The following OCA2 variants were observed in gnomAD, a reference collection of about 807,000 sequenced individuals.
OCA2 encodes OCA2 melanosomal transmembrane protein.
In OCA2, 77 loss-of-function variants were observed where a neutral mutation model predicts 100.2. That is an observed-to-expected ratio of 0.77 (90% CI 0.64 to 0.93). OCA2 has a LOEUF of 0.93. Among genes scored for constraint, OCA2 ranks in the 40% least tolerant of loss-of-function variants. OCA2 has a pLI of 0.00. For synonymous variants in OCA2, 432 were observed against 439.2 expected (o/e 0.98, Z 0.21); for missense variants, 1,062 against 1,089.1 (o/e 0.98, Z 0.35).
Position 27,916,791 on chromosome 15 carries a change from A to C in OCA2, c.2079+9336T>G, listed in dbSNP as rs965364929. On this transcript the variant is annotated intron_variant, in intron 19 of 23. Transcript: ENST00000354638. ...CAAATGTCTCCAACTGTTTTCCAAA[A>C]AATAGAACACACCTGACCTACTGTA... is the stretch of plus-strand genomic sequence containing the variant. 3.9e-5 allele frequency among the ~76,000 whole-genome samples: 6 copies of C among 152,176 alleles called. No individual in the cohort carries two copies. In the South Asian group the frequency reaches 1.2e-3, roughly 31 times the overall value.
intron 23 of OCA2, among the ~76,000 whole-genome samples, chr15:27,800,191 T>C (rs1252853342): frequency 6.6e-6 from 1 of 152,226 alleles, no homozygotes; most frequent in Non-Finnish European, 1.5e-5. Flanking sequence ...TCAGAATTTG[T>C]ACGATTGTAC....
chr15:27,858,270 C>T (rs558923550), intron 21 of OCA2, among the ~76,000 whole-genome samples: 12 of 151,330 alleles, frequency 7.9e-5, no homozygotes, highest in South Asian at 6.3e-4. Context: ...GCTACTCAGG[C>T]GGCTGAGGCA....
intron 23 of OCA2, among the ~76,000 whole-genome samples, chr15:27,773,214 T>C (rs2151054411): frequency 1.3e-5 from 2 of 152,334 alleles, no homozygotes; most frequent in Admixed American, 1.3e-4. Context: ...TTATTTTTTG[T>C]TGGCTATTTT....
rs2036558249 is a variant in OCA2 at position 27,871,203 on chromosome 15, G to A, written c.2195C>T (p.Ser732Leu). The A allele has an allele frequency of 1.2e-6, 2 of 1,614,196 alleles. No individual in the cohort carries two copies. The highest frequency in any genetic ancestry group is 1.3e-5 in the African/African-American group (1 of 75,044). ...GTCAATCAGGGACGACGCCAGGGCTGAGACCCACACCACCAGGACAATGGC... is the reference window on the plus strand; with the variant it reads ...GTCAATCAGGGACGACGCCAGGGCTAAGACCCACACCACCAGGACAATGGC... ...IAAIVLVVWV[S>L]ALASSLIDNI... The change falls in exon 21 of 24, where the codon TCA (serine) becomes TTA (leucine). Residue 732 changes from serine (S) to leucine (L), a missense_variant. By Grantham distance (145) the Ser-to-Leu change is moderately radical. Coordinates refer to ENST00000354638, the MANE Select transcript of OCA2 (RefSeq NM_000275.3).
intron 6 of OCA2, among the ~76,000 whole-genome samples, chr15:28,019,952 GA>G (rs1372989664): frequency 1.4e-4 from 21 of 152,194 alleles, no homozygotes; most frequent in Non-Finnish European, 2.4e-4. Context: ...CTTTTCCAAG[GA>G]GCCTGCTGGA....
chr15:28,086,587 A>G (rs193039308), intron 1 of OCA2, among the ~76,000 whole-genome samples: 19 of 152,356 alleles, frequency 1.2e-4, no homozygotes, highest in Admixed American at 3.3e-4. Context: ...CACCTGTCAT[A>G]GTGATAACCA....
At chr15:27,934,733 T>C (rs1448489) in intron 18 of OCA2, among the ~76,000 whole-genome samples, 6,954 of 152,278 alleles carry the variant, frequency 0.046, 240 homozygotes, top group South Asian at 0.13. Context: ...GCCTGAGCTT[T>C]CCTCCAGCCA....
chr15:28,096,589 C>T (rs2044988497), intron 1 of OCA2, among the ~76,000 whole-genome samples: 1 of 152,140 alleles, frequency 6.6e-6, no homozygotes, highest in Non-Finnish European at 1.5e-5. Flanking sequence ...GTGTAGGGTG[C>T]GGTGCCCCCA....
chr15:27,778,329 G>A (rs1028688232), intron 23 of OCA2, among the ~76,000 whole-genome samples: 3 of 152,094 alleles, frequency 2.0e-5, no homozygotes, highest in Non-Finnish European at 1.5e-5. Context: ...TTTCTAAAAC[G>A]AGCTCATACG....
At chr15:28,070,131 GC>G (rs2044186312) in intron 2 of OCA2, among the ~76,000 whole-genome samples, 1 of 114,426 alleles carries the variant, frequency 8.7e-6, no homozygotes, top group Admixed American at 7.9e-5. Context: ...CTGCCCGGCC[GC>G]CCCGTCTGAG....
chr15:27,867,909 G>A (rs2036387513), intron 21 of OCA2, among the ~76,000 whole-genome samples: 1 of 152,136 alleles, frequency 6.6e-6, no homozygotes, highest in South Asian at 2.1e-4. Context: ...TAAATGTGAA[G>A]CTCCTTTCCT....
chr15:27,966,565 G>C, intron 15 of OCA2, 125 bp downstream of exon 15: 1 of 1,002,748 alleles, frequency 1.0e-6, no homozygotes, highest in Non-Finnish European at 1.6e-6. Flanking sequence ...TGGACGTGGA[G>C]AGTCACTGGT....
chr15:27,878,139 C>T (rs974899203), intron 19 of OCA2, among the ~76,000 whole-genome samples: 2 of 151,922 alleles, frequency 1.3e-5, no homozygotes, highest in Admixed American at 1.3e-4. Flanking sequence ...CTTTACCTCT[C>T]CCCTTTCCTC....
chr15:28,027,119 G>T lies in OCA2; in HGVS notation c.515+752C>A, dbSNP rs12906994. Among the ~76,000 whole-genome samples the T allele has an allele frequency of 6.6e-5, 10 of 152,330 alleles. No individual in the cohort carries two copies. The South Asian group carries it at 2.1e-3, about 32-fold the overall frequency. On this transcript the variant is annotated intron_variant, in intron 4 of 23. Transcript: ENST00000354638. ...TCAAAAGAACCCTTTCAAATGAACG[G>T]GCGCATGGGAGGAAACCCATTAGAT... is the stretch of plus-strand genomic sequence containing the variant.
Position 28,015,051 on chromosome 15 carries a change from C to T in OCA2, c.891-122G>A, listed in dbSNP as rs189921786. 1,500 of 1,051,096 alleles carry T rather than the reference C, an allele frequency of 1.4e-3. 4 individuals carry two copies. The highest frequency in any genetic ancestry group is 1.9e-3 in the Non-Finnish European group (1,330 of 700,152). 65.1% of individuals were successfully genotyped at this position (1,051,096 alleles called of 1,614,324 possible). A position where few individuals can be genotyped will look rare whatever the true frequency, so the allele number is the denominator to read the frequency against. On this transcript the variant is annotated intron_variant, in intron 8 of 23. Coordinates refer to ENST00000354638, the MANE Select transcript of OCA2 (RefSeq NM_000275.3). Reference sequence around the variant, plus strand: ...CAATTCAGCCCAACGCCCAATCTCACAGCTGGAAGAGCAGTGAGCACAGGC... The same window carrying T: ...CAATTCAGCCCAACGCCCAATCTCATAGCTGGAAGAGCAGTGAGCACAGGC...
intron 2 of OCA2, among the ~76,000 whole-genome samples, chr15:28,070,336 C>G (rs2044202645): frequency 7.0e-6 from 1 of 142,548 alleles, no homozygotes; most frequent in African/African-American, 2.7e-5. Context: ...CCCCGCCCGG[C>G]CAGCCGCCCC....
chr15:27,738,115 AC>A, the OCA2 span, among the ~76,000 whole-genome samples: 21 of 152,156 alleles, frequency 1.4e-4, no homozygotes, highest in South Asian at 2.1e-4. Context: ...CTAATCTTGA[AC>A]CTTTGCTCAC....
chr15:28,089,161 A>G (rs2044829827), intron 1 of OCA2, among the ~76,000 whole-genome samples: 1 of 152,254 alleles, frequency 6.6e-6, no homozygotes, highest in Non-Finnish European at 1.5e-5. Context: ...ACAGGCCACC[A>G]GACTTTAAGG....
At chr15:28,088,738 G>A (rs1265665630) in intron 1 of OCA2, among the ~76,000 whole-genome samples, 1 of 152,192 alleles carries the variant, frequency 6.6e-6, no homozygotes, top group Non-Finnish European at 1.5e-5. Context: ...GGGTCACAGA[G>A]ATCACATGCT....
Sources: allele counts gnomAD v4.1 joint callset (sites outside exome capture counted in the v4.1 genomes callset), GRCh38; gene constraint gnomAD v4.1.1; transcripts MANE v1.5; gene names NCBI Gene and HGNC (gene_info 2026-07-23, HGNC 2026-07-21).